Variants in SLC35A1 observed in about 807,000 individuals in gnomAD.
The protein encoded by SLC35A1 is CMP-sialic acid transporter.
SLC35A1 carries 21 observed loss-of-function variants against 40.3 expected under a neutral mutation model. That is an observed-to-expected ratio of 0.52 (90% confidence interval 0.37 to 0.75). SLC35A1 has a LOEUF of 0.75. Among genes scored for constraint, SLC35A1 ranks in the 30% least tolerant of loss-of-function variants. The pLI is 0.00. For synonymous variants in SLC35A1, 146 were observed against 147.3 expected, an observed-to-expected ratio of 0.99 and a Z score of 0.06; for missense variants, 297 against 382.1, an observed-to-expected ratio of 0.78 and a Z score of 1.86.
At chr6:87,484,579 G>T (rs1249241182) in intron 2 of SLC35A1, among the ~76,000 whole-genome samples, 1 of 152,160 alleles carries the variant, frequency 6.6e-6, no homozygotes, top group Non-Finnish European at 1.5e-5. Flanking sequence ...GAGTAACGGG[G>T]TGAGTGGTTT....
intron 2 of SLC35A1, among the ~76,000 whole-genome samples, chr6:87,484,367 C>CT (rs969299435): frequency 6.6e-6 from 1 of 152,224 alleles, no homozygotes; most frequent in African/African-American, 2.4e-5. Context: ...ATAAAATTTT[C>CT]TTTTTTTCTT....
intron 7 of SLC35A1, among the ~76,000 whole-genome samples, chr6:87,510,930 A>AAAT (rs1414094678): frequency 3.3e-5 from 5 of 152,042 alleles, no homozygotes; most frequent in African/African-American, 1.2e-4. Flanking sequence ...TTTATTCAGT[A>AAAT]AATTATCGCC....
chr6:87,500,570 A>T lies in SLC35A1; in HGVS notation c.257A>T (p.Lys86Met), dbSNP rs921826372. Residue 86 changes from lysine (K) to methionine (M), a missense_variant, in exon 3 of 8, where the codon AAG (lysine) becomes ATG (methionine). Coordinates refer to ENST00000369552, the MANE Select transcript of SLC35A1 (RefSeq NM_006416.5). ...AGAGAAAATGTCTTGGGGAGCCCCA[A>T]GGAACTGTTGAAGTTAAGTGTGCCA... The part of the protein sequence containing the change: ...SLRENVLGSP[K>M]ELLKLSVPSL... 6.2e-7 allele frequency: 1 copy of T among 1,614,162 alleles called. No homozygotes were observed. The highest frequency in any genetic ancestry group is 8.5e-7 in the Non-Finnish European group (1 of 1,180,008).
At chr6:87,474,600 T>C (rs1003009508) in intron 1 of SLC35A1, among the ~76,000 whole-genome samples, 5 of 152,212 alleles carry the variant, frequency 3.3e-5, no homozygotes, top group Non-Finnish European at 5.9e-5. Flanking sequence ...CCTGAAATAA[T>C]TGAAATTGCT....
At chr6:87,489,321 G>C (rs948057790) in intron 2 of SLC35A1, among the ~76,000 whole-genome samples, 2 of 152,002 alleles carry the variant, frequency 1.3e-5, no homozygotes, top group Non-Finnish European at 2.9e-5. Context: ...TGTTTTCCTG[G>C]TAGTGAGCTG....
At chr6:87,477,576 T>C in intron 2 of SLC35A1, 37 bp downstream of exon 2, 1 of 1,509,410 alleles carries the variant, frequency 6.6e-7, no homozygotes, top group East Asian at 2.3e-5. Context: ...AAATTATTTT[T>C]CTACCTGGTG....
chr6:87,499,720 T>A (rs1175688027), intron 2 of SLC35A1, among the ~76,000 whole-genome samples: 1 of 152,188 alleles, frequency 6.6e-6, no homozygotes. Context: ...TCATAAGTAC[T>A]AAATTCATTT....
intron 2 of SLC35A1, among the ~76,000 whole-genome samples, chr6:87,483,547 C>T (rs1378765238): frequency 6.6e-6 from 1 of 152,180 alleles, no homozygotes; most frequent in African/African-American, 2.4e-5. Context: ...TGAGGTTCAG[C>T]CCCTGAAATT....
rs1449135266 is a variant in SLC35A1 at position 87,501,145 on chromosome 6, CTCTTT to C, written c.355-11_355-7del. 1.2e-6 allele frequency: 2 copies of C among 1,600,960 alleles called. No individual in the cohort carries two copies. Among genetic ancestry groups the C allele is most frequent in the Non-Finnish European group, 1.7e-6 (2 of 1,168,198 alleles). ...CATTAACTGAATTTATTAATTCATTCTCTTTTTTTTAGGTGACCTACCAGTTGAAG... is the reference window on the plus strand; with the variant it reads ...CATTAACTGAATTTATTAATTCATTCTTTTTAGGTGACCTACCAGTTGAAG... On this transcript the variant is annotated splice_region_variant and splice_polypyrimidine_tract_variant and intron_variant, in intron 3 of 7. Coordinates refer to ENST00000369552, the MANE Select transcript of SLC35A1 (RefSeq NM_006416.5).
rs368442319 is a variant in SLC35A1, at chr6:87,486,902, T to TGCGGTG, written c.194+9366_194+9371dup. Among the ~76,000 whole-genome samples the TGCGGTG allele has an allele frequency of 8.1e-3, 1,226 of 152,188 alleles. 25 individuals are homozygous for TGCGGTG. The highest frequency in any genetic ancestry group is 0.028 in the African/African-American group (1,161 of 41,520). On this transcript the variant is annotated intron_variant, in intron 2 of 7. Coordinates refer to ENST00000369552, the MANE Select transcript of SLC35A1 (RefSeq NM_006416.5). ...AGAAAAATCATTGAGTGGAGCCAGG[T>TGCGGTG]GCGGTGGCTCACACCTATAATCTCA...
At chr6:87,500,778 C>T (rs1043087377) in intron 3 of SLC35A1, 111 bp downstream of exon 3, 8 of 1,040,544 alleles carry the variant, frequency 7.7e-6, no homozygotes, top group African/African-American at 6.6e-5. Context: ...GATGGAGTCT[C>T]GCTCTTTCGT....
chr6:87,482,598 C>T (rs541593183), intron 2 of SLC35A1, among the ~76,000 whole-genome samples: 7 of 152,276 alleles, frequency 4.6e-5, no homozygotes, highest in Admixed American at 2.0e-4. Flanking sequence ...ACTGAATACC[C>T]GTTGTGGCTT....
rs377511288 is a variant in SLC35A1 at position 87,507,595 on chromosome 6, A to G, written c.575-825A>G. On this transcript the variant is annotated intron_variant, in intron 5 of 7. Transcript: ENST00000369552. The stretch of plus-strand genomic sequence containing the variant: ...ATGTTCCCATTCCAACAGACTCATC[A>G]AAAATAATCTTGTTTTTCGTTAGAC... 8.5e-5 allele frequency among the ~76,000 whole-genome samples: 13 copies of G among 152,318 alleles called. No homozygotes were observed. The East Asian group carries it at 2.1e-3, about 25-fold the overall frequency.
At chr6:87,510,712 T>C (rs1420081219) in intron 7 of SLC35A1, among the ~76,000 whole-genome samples, 1 of 151,966 alleles carries the variant, frequency 6.6e-6, no homozygotes, top group Non-Finnish European at 1.5e-5. Flanking sequence ...CTGTCTCTAC[T>C]AAAAATACAA....
At chr6:87,495,530 G>C (rs1350490453) in intron 2 of SLC35A1, among the ~76,000 whole-genome samples, 1 of 151,890 alleles carries the variant, frequency 6.6e-6, no homozygotes, top group African/African-American at 2.4e-5. Context: ...GTACCCTTTT[G>C]TACCCATGCT....
intron 2 of SLC35A1, among the ~76,000 whole-genome samples, chr6:87,492,475 C>A (rs1157534862): frequency 6.6e-6 from 1 of 150,496 alleles, no homozygotes; most frequent in Non-Finnish European, 1.5e-5. Context: ...AGAAATGATG[C>A]GTCCCTTTTA....
At chr6:87,485,607 A>T (rs12201008) in intron 2 of SLC35A1, among the ~76,000 whole-genome samples, 1 of 152,004 alleles carries the variant, frequency 6.6e-6, no homozygotes, top group African/African-American at 2.4e-5. Flanking sequence ...TACAAAAAAT[A>T]AAAAAATTAG....
intron 2 of SLC35A1, among the ~76,000 whole-genome samples, chr6:87,479,830 A>G (rs1769197470): frequency 6.6e-6 from 1 of 152,206 alleles, no homozygotes; most frequent in African/African-American, 2.4e-5. Flanking sequence ...TCCTGCAGCT[A>G]TTTGATTTCG....
chr6:87,481,204 T>C (rs1296551435), intron 2 of SLC35A1, among the ~76,000 whole-genome samples: 1 of 152,002 alleles, frequency 6.6e-6, no homozygotes, highest in African/African-American at 2.4e-5. Context: ...TCACCTGAGG[T>C]CAGGAGTTTC....
Sources: allele counts gnomAD v4.1 joint callset (sites outside exome capture counted in the v4.1 genomes callset), GRCh38; gene constraint gnomAD v4.1.1; transcripts MANE v1.5; gene names NCBI Gene and HGNC (gene_info 2026-07-23, HGNC 2026-07-21).